Variants in RPS29 observed in about 807,000 individuals in gnomAD.
The protein encoded by RPS29 is ribosomal protein S29, also known as small ribosomal subunit protein uS14.
For missense variants in RPS29, 60 were observed against 75.7 expected (o/e 0.79, Z 0.77); for synonymous variants, 37 against 26.9 (o/e 1.37, Z -1.16).
At position 49,586,267 on chromosome 14, in the gene RPS29, T is replaced by C. The variant is rs1238282820; in HGVS notation, c.62+18A>G. On this transcript the variant is annotated intron_variant, in intron 1 of 2. Transcript: ENST00000245458. ...GCTCCACGGCAACGCTTCCCCAAAA[T>C]CACAAACTATTTCTCACCAAGAGCG... The C allele has an allele frequency of 1.9e-6, 3 of 1,612,930 alleles. No homozygotes were observed. Among genetic ancestry groups the C allele is most frequent in the African/African-American group, 1.3e-5 (1 of 74,976 alleles).
intron 2 of RPS29, chr14:49,585,191 A>C (rs1881487324): frequency 6.6e-6 from 1 of 151,968 alleles, no homozygotes; most frequent in Non-Finnish European, 1.5e-5. Context: ...AACATGGTAA[A>C]ACCCCGTCTC....
exon 3 of RPS29, chr14:49,577,628 T>C (rs984214936): frequency 5.6e-6 from 4 of 710,534 alleles, no homozygotes; most frequent in Admixed American, 4.2e-5. Context: ...CCATAACCAA[T>C]GTTGGGCATA....
intron 1 of RPS29, among the ~76,000 whole-genome samples, chr14:49,591,666 G>A (rs976190531): frequency 3.4e-5 from 5 of 145,130 alleles, no homozygotes; most frequent in Non-Finnish European, 7.5e-5. Context: ...TGTCAGCCAG[G>A]ATGGAGTGCA....
chr14:49,581,645 C>T (rs1320053547), downstream of RPS29, among the ~76,000 whole-genome samples: 5 of 152,162 alleles, frequency 3.3e-5, no homozygotes, highest in African/African-American at 9.7e-5. Context: ...TCCCCAAGTG[C>T]TGGGAATACA....
upstream of RPS29, chr14:49,586,975 C>A (rs910260974): frequency 1.3e-5 from 2 of 152,616 alleles, no homozygotes; most frequent in Non-Finnish European, 2.9e-5. Flanking sequence ...TTAATTAAAA[C>A]GTTACACTTG....
At chr14:49,598,239 C>T in intron 1 of RPS29, 1 of 581,686 alleles carries the variant, frequency 1.7e-6, no homozygotes, top group Non-Finnish European at 3.0e-6. Context: ...CGACCGTGAG[C>T]GCCTGCTTAA....
intron 1 of RPS29, among the ~76,000 whole-genome samples, chr14:49,592,573 G>T (rs993571806): frequency 2.6e-5 from 4 of 151,294 alleles, no homozygotes; most frequent in Non-Finnish European, 5.9e-5. Context: ...CTCCATGTTG[G>T]TCAGGCTGGT....
intron 2 of RPS29, among the ~76,000 whole-genome samples, chr14:49,584,582 T>C (rs557493746): frequency 6.6e-6 from 1 of 152,066 alleles, no homozygotes; most frequent in Non-Finnish European, 1.5e-5. Context: ...TTGGCCAACA[T>C]GGTGAAATCC....
At chr14:49,586,777 G>A (rs1428487139), upstream of RPS29, 1 of 228,292 alleles carries the variant, frequency 4.4e-6, no homozygotes, top group African/African-American at 2.2e-5. Flanking sequence ...GCCCAGGTCG[G>A]AAACGGAGCA....
At chr14:49,585,407 T>C (rs1158250041) in intron 2 of RPS29, 2 of 153,752 alleles carry the variant, frequency 1.3e-5, no homozygotes, top group Admixed American at 6.6e-5. Flanking sequence ...TTAATACATA[T>C]ATTTGGTTAG....
chr14:49,586,644 T>G, upstream of RPS29: 3 of 430,574 alleles, frequency 7.0e-6, no homozygotes, highest in Non-Finnish European at 4.4e-6. Context: ...GAGGATCGCT[T>G]GAGTCCAGGA....
chr14:49,586,573 T>C (rs575274600), upstream of RPS29: 5 of 557,772 alleles, frequency 9.0e-6, no homozygotes, highest in South Asian at 2.1e-5. Flanking sequence ...TGCGCCGGTA[T>C]CCGACCGCCG....
chr14:49,594,860 A>C (rs540496779), intron 1 of RPS29, among the ~76,000 whole-genome samples: 1 of 152,162 alleles, frequency 6.6e-6, no homozygotes, highest in Non-Finnish European at 1.5e-5. Context: ...CAGCATCTCC[A>C]CCAATGAACT....
upstream of RPS29, chr14:49,586,709 A>G (rs1881580950): frequency 3.8e-6 from 1 of 265,286 alleles, no homozygotes; most frequent in Non-Finnish European, 7.7e-6. Context: ...GTTCGGCATC[A>G]ATATGGTGAC....
exon 3 of RPS29, chr14:49,571,976 A>T (rs1881067120): frequency 6.6e-6 from 1 of 152,176 alleles, no homozygotes; most frequent in Non-Finnish European, 1.5e-5. Context: ...ATTGAGACCC[A>T]GTCTCACTCT....
chr14:49,583,645 T>G lies in RPS29; in HGVS notation c.*22A>C. On this transcript the variant is annotated 3_prime_UTR_variant, in exon 3 of 3. Transcript: ENST00000245458. ...TTTTTCATTGAGTAGATGCCCCGGA[T>G]AATCCTCTGAAGGAAGAGCATTTAG... 5 of 1,583,130 alleles carry G rather than the reference T, an allele frequency of 3.2e-6. No homozygotes were observed. Among genetic ancestry groups the G allele is most frequent in the South Asian group, 2.3e-5 (2 of 85,814 alleles).
At chr14:49,572,999 T>C (rs1347752734) in exon 3 of RPS29, 1 of 151,552 alleles carries the variant, frequency 6.6e-6, no homozygotes, top group Non-Finnish European at 1.5e-5. Flanking sequence ...GCCCAGCAGG[T>C]TGAGGCTGCA....
downstream of RPS29, among the ~76,000 whole-genome samples, chr14:49,583,278 C>T (rs192839190): frequency 5.5e-4 from 83 of 152,174 alleles, no homozygotes; most frequent in African/African-American, 1.7e-3. Context: ...TTGCCGGGTG[C>T]GGTGGCTCAT....
chr14:49,578,823 T>C (rs962751097), downstream of RPS29, among the ~76,000 whole-genome samples: 4 of 152,190 alleles, frequency 2.6e-5, no homozygotes, highest in African/African-American at 9.6e-5. Flanking sequence ...CCTCCTAAAG[T>C]GCTGGGATTA....
Sources: allele counts gnomAD v4.1 joint callset (sites outside exome capture counted in the v4.1 genomes callset), GRCh38; gene constraint gnomAD v4.1.1; transcripts MANE v1.5; gene names NCBI Gene and HGNC (gene_info 2026-07-23, HGNC 2026-07-21).